SLC44A5: variants seen among roughly 807,000 people sequenced by gnomAD.
SLC44A5 encodes choline transporter-like protein 5.
Under a neutral mutation model 101.8 loss-of-function variants are expected in SLC44A5, and 57 were observed. The ratio of observed to expected loss-of-function variants is 0.56; its 90% CI spans 0.45 to 0.70. The LOEUF is 0.70. SLC44A5 is among the 30% of genes least tolerant of loss of function. The probability of loss-of-function intolerance (pLI) is 0.00; values close to 1 mark genes in which losing one functional copy is unlikely to be tolerated. For synonymous variants in SLC44A5, 281 were observed against 290.9 expected, an observed-to-expected ratio of 0.97 and a Z score of 0.35; for missense variants, 737 against 853.1, an observed-to-expected ratio of 0.86 and a Z score of 1.70.
intron 1 of SLC44A5, among the ~76,000 whole-genome samples, chr1:75,602,278 G>A (rs1176394621): frequency 6.6e-6 from 1 of 152,020 alleles, no homozygotes. Context: ...AGGGAGCCTT[G>A]GTCTTAGAAT....
chr1:75,657,762 T>C, the SLC44A5 span, among the ~76,000 whole-genome samples: 4 of 152,056 alleles, frequency 2.6e-5, no homozygotes, highest in African/African-American at 7.2e-5. Context: ...ATTGGAGCAC[T>C]GAAACAAATA....
At chr1:75,348,408 GCTCAAATAGACTGTCC>G (rs1658409183) in intron 3 of SLC44A5, among the ~76,000 whole-genome samples, 2 of 152,060 alleles carry the variant, frequency 1.3e-5, no homozygotes, top group African/African-American at 4.8e-5. Context: ...CAAGATGAGG[GCTCAAATAGACTGTCC>G]CTCCATACAG....
the SLC44A5 span, among the ~76,000 whole-genome samples, chr1:75,693,725 T>C: frequency 1.3e-5 from 2 of 151,924 alleles, no homozygotes; most frequent in East Asian, 3.9e-4. Flanking sequence ...GAAAAAGACA[T>C]AGAGACCAGT....
rs71081324 is a variant in SLC44A5 at position 75,281,636 on chromosome 1, GCCCCC to G, written c.176-6599_176-6595del. 8.1e-4 allele frequency among the ~76,000 whole-genome samples: 40 copies of G among 49,476 alleles called. 4 individuals are homozygous for G. The South Asian group carries it at 0.036, about 45-fold the overall frequency. The allele number at this position is 49,476 out of a possible 152,430, so 32.5% of individuals were successfully genotyped here. On this transcript the variant is annotated intron_variant, in intron 5 of 23. Coordinates refer to ENST00000370859, the MANE Select transcript of SLC44A5 (RefSeq NM_001130058.2). ...AAATTGTTTCCTGGGCTGGTGCCAGGCCCCCCCCCCCCCCCGCTGCATTTAGCCTA... is the reference window on the plus strand; with the variant it reads ...AAATTGTTTCCTGGGCTGGTGCCAGGCCCCCCCCCCGCTGCATTTAGCCTA...
At chr1:75,232,027 A>T (rs1175223673) in intron 12 of SLC44A5, among the ~76,000 whole-genome samples, 1 of 152,152 alleles carries the variant, frequency 6.6e-6, no homozygotes, top group Non-Finnish European at 1.5e-5. Flanking sequence ...TAGAAAGTCA[A>T]TTGTCCAGGA....
At chr1:75,678,892 A>G in the SLC44A5 span, among the ~76,000 whole-genome samples, 10 of 152,300 alleles carry the variant, frequency 6.6e-5, no homozygotes. Context: ...TATAACTAGA[A>G]TAATCAATAC....
chr1:75,712,394 GA>G, the SLC44A5 span, among the ~76,000 whole-genome samples: 1 of 152,196 alleles, frequency 6.6e-6, no homozygotes, highest in East Asian at 1.9e-4. Context: ...GTAAAAGAAA[GA>G]AGTCATTAAG....
chr1:75,253,526 G>C (rs1363322546), intron 6 of SLC44A5, among the ~76,000 whole-genome samples: 1 of 151,948 alleles, frequency 6.6e-6, no homozygotes, highest in African/African-American at 2.4e-5. Context: ...TATGTACAAG[G>C]CTACTACTTT....
At chr1:75,408,252 A>G (rs1345596500) in intron 2 of SLC44A5, among the ~76,000 whole-genome samples, 1 of 152,224 alleles carries the variant, frequency 6.6e-6, no homozygotes, top group Non-Finnish European at 1.5e-5. Context: ...GAATGTTTTT[A>G]CACTGTTGGT....
the SLC44A5 span, among the ~76,000 whole-genome samples, chr1:75,645,497 GT>G: frequency 2.0e-5 from 3 of 151,680 alleles, no homozygotes; most frequent in Admixed American, 2.0e-4. Context: ...TTGTAAATTT[GT>G]TTGAGTTCAT....
intron 14 of SLC44A5, among the ~76,000 whole-genome samples, chr1:75,220,148 T>C (rs1025190509): frequency 1.3e-5 from 2 of 152,184 alleles, no homozygotes; most frequent in Non-Finnish European, 2.9e-5. Context: ...ACTGTCTGAT[T>C]TGATACATTG....
At chr1:75,711,728 TG>T in the SLC44A5 span, among the ~76,000 whole-genome samples, 1 of 152,202 alleles carries the variant, frequency 6.6e-6, no homozygotes. Flanking sequence ...TACGGTGATG[TG>T]TTCTATCTTG....
chr1:75,722,679 G>C, the SLC44A5 span, among the ~76,000 whole-genome samples: 1 of 152,148 alleles, frequency 6.6e-6, no homozygotes, highest in Non-Finnish European at 1.5e-5. Context: ...CTTTGCTCAC[G>C]AGAAGCAGGG....
chr1:75,218,275 C>T (rs930425293), intron 17 of SLC44A5, among the ~76,000 whole-genome samples: 1 of 152,130 alleles, frequency 6.6e-6, no homozygotes, highest in Admixed American at 6.6e-5. Context: ...CTTTTTCTCT[C>T]TCTAGTAACC....
At chr1:75,630,556 G>C in the SLC44A5 span, among the ~76,000 whole-genome samples, 1 of 152,018 alleles carries the variant, frequency 6.6e-6, no homozygotes, top group Admixed American at 6.6e-5. Context: ...AACCTTAGGA[G>C]AGAGGATTCT....
intron 4 of SLC44A5, among the ~76,000 whole-genome samples, chr1:75,321,241 C>T (rs2100959424): frequency 6.6e-6 from 1 of 152,208 alleles, no homozygotes; most frequent in East Asian, 1.9e-4. Flanking sequence ...ATTATAGCAG[C>T]AATCCACTTC....
rs772087887 is a variant in SLC44A5, at chr1:75,238,607, T to C, written c.562A>G (p.Thr188Ala). The stretch of plus-strand genomic sequence containing the variant: ...CCTATTGTTAAAGTGCCATTTTTGG[T>C]AGAGAAGTCAGGGAAACATCTCTGG... The part of the protein sequence containing the change: ...FLQRCFPDFS[T>A]KNGTLTIGSK... Residue 188 changes from threonine (T) to alanine (A), a missense_variant, in exon 10 of 24, where the codon ACC becomes GCC. This residue lies in a region of SLC44A5 where 665 missense variants were observed against 764.4 expected (regional missense o/e 0.87). Coordinates refer to ENST00000370859, the MANE Select transcript of SLC44A5 (RefSeq NM_001130058.2). 1.1e-5 allele frequency: 17 copies of C among 1,580,396 alleles called. No individual in the cohort carries two copies. The African/African-American group carries it at 2.0e-4, about 19-fold the overall frequency.
At chr1:75,299,212 T>C (rs1654225720) in intron 5 of SLC44A5, among the ~76,000 whole-genome samples, 1 of 152,204 alleles carries the variant, frequency 6.6e-6, no homozygotes, top group African/African-American at 2.4e-5. Context: ...GTTAAAACAC[T>C]TTAAGAAATA....
the SLC44A5 span, among the ~76,000 whole-genome samples, chr1:75,640,549 G>A: frequency 6.6e-6 from 1 of 151,984 alleles, no homozygotes; most frequent in East Asian, 1.9e-4. Context: ...GTTTATAATG[G>A]TAGTTCTTTC....
Sources: allele counts gnomAD v4.1 joint callset (sites outside exome capture counted in the v4.1 genomes callset), GRCh38; gene constraint gnomAD v4.1.1; regional missense constraint gnomAD v4.1.1; transcripts MANE v1.5; gene names NCBI Gene and HGNC (gene_info 2026-07-23, HGNC 2026-07-21).